CDV3: variants seen among roughly 807,000 people sequenced by gnomAD.
The protein encoded by CDV3 is protein CDV3 homolog.
CDV3 carries 14 observed loss-of-function variants against 24.5 expected under a neutral mutation model. The ratio of observed to expected loss-of-function variants is 0.57; its 90% CI spans 0.38 to 0.89. The LOEUF (loss-of-function observed/expected upper bound fraction) is 0.89. Among genes scored for constraint, CDV3 ranks in the 40% least tolerant of loss-of-function variants. The probability of loss-of-function intolerance (pLI) is 0.00; values close to 1 mark genes in which losing one functional copy is unlikely to be tolerated. For synonymous variants in CDV3, 114 were observed against 114.1 expected, an observed-to-expected ratio of 1.00 and a Z score of 0.00; for missense variants, 304 against 310.2, an observed-to-expected ratio of 0.98 and a Z score of 0.15.
intron 2 of CDV3, among the ~76,000 whole-genome samples, chr3:133,580,284 T>C (rs943779076): frequency 2.0e-5 from 3 of 152,242 alleles, no homozygotes; most frequent in African/African-American, 7.2e-5. Context: ...TCCATGTCCC[T>C]GCAAAGGACA....
chr3:133,574,029 C>T lies in CDV3; in HGVS notation c.-16C>T, dbSNP rs770999160. The T allele has an allele frequency of 8.4e-5, 95 of 1,126,606 alleles. No homozygotes were observed. The highest frequency in any genetic ancestry group is 9.5e-5 in the Non-Finnish European group (86 of 904,708). 69.8% of individuals were successfully genotyped at this position (1,126,606 alleles called of 1,614,324 possible). A position where few individuals can be genotyped will look rare whatever the true frequency, so the allele number is the denominator to read the frequency against. ...CGCCGCCGGCCCCACCCATCCGGGT[C>T]GAGGAGGCCGAGGCCATGGCTGAGA... On this transcript the variant is annotated 5_prime_UTR_variant, in exon 1 of 5. Coordinates refer to ENST00000264993, the MANE Select transcript of CDV3 (RefSeq NM_017548.5).
At chr3:133,587,462 A>G in intron 4 of CDV3, 1 of 1,144,160 alleles carries the variant, frequency 8.7e-7, no homozygotes, top group Non-Finnish European at 1.1e-6. Context: ...TACCTGATCT[A>G]ATCAGATCCA....
At position 133,590,114 on chromosome 3, in the gene CDV3, T is replaced by A. The variant is rs1324048989; in HGVS notation, c.*2068T>A. ...AACTTTTTAAAAGATTGTGAAAATATCAAAATATAAATGAATCAAGTTTTA... is the reference window on the plus strand; with the variant it reads ...AACTTTTTAAAAGATTGTGAAAATAACAAAATATAAATGAATCAAGTTTTA... On this transcript the variant is annotated 3_prime_UTR_variant, in exon 5 of 5. Transcript: ENST00000264993. 3 of 152,312 alleles carry A rather than the reference T, an allele frequency of 2.0e-5. No individual in the cohort carries two copies. Among genetic ancestry groups the A allele is most frequent in the Middle Eastern group, 3.4e-3 (1 of 294 alleles). The allele number at this position is 152,312 out of a possible 1,614,324, so 9.4% of individuals were successfully genotyped here.
At chr3:133,583,337 T>G (rs1167834727) in intron 2 of CDV3, among the ~76,000 whole-genome samples, 3 of 152,226 alleles carry the variant, frequency 2.0e-5, no homozygotes. Flanking sequence ...AACTCTTCAT[T>G]TGCTCACTAA....
At position 133,588,642 on chromosome 3, in the gene CDV3, C is replaced by T. The variant is rs1933845360; in HGVS notation, c.*596C>T. The T allele has an allele frequency of 7.4e-6, 4 of 537,446 alleles. No homozygotes were observed. Among genetic ancestry groups the T allele is most frequent in the East Asian group, 6.1e-5 (2 of 33,012 alleles). The allele number at this position is 537,446 out of a possible 1,614,324, so 33.3% of individuals were successfully genotyped here. On this transcript the variant is annotated 3_prime_UTR_variant, in exon 5 of 5. Coordinates refer to ENST00000264993, the MANE Select transcript of CDV3 (RefSeq NM_017548.5). Reference sequence around the variant, plus strand: ...TGTTGTTATATTAGACTTCCTGGAACACACTGCTGAAAAGAACTGATGTGT... The same window carrying T: ...TGTTGTTATATTAGACTTCCTGGAATACACTGCTGAAAAGAACTGATGTGT...
chr3:133,581,021 T>TA (rs551999289), intron 2 of CDV3, among the ~76,000 whole-genome samples: 1,764 of 148,850 alleles, frequency 0.012, 17 homozygotes, highest in Middle Eastern at 0.028. Context: ...CACTAGACAG[T>TA]AAAAAAAAAA....
chr3:133,585,217 A>G (rs1933465287), intron 3 of CDV3, among the ~76,000 whole-genome samples: 1 of 151,844 alleles, frequency 6.6e-6, no homozygotes, highest in Admixed American at 6.6e-5. Flanking sequence ...TGTTTATTTT[A>G]TTGTAGAGAT....
At chr3:133,574,545 G>T (rs1011797235) in intron 1 of CDV3, 72 of 985,940 alleles carry the variant, frequency 7.3e-5, no homozygotes, top group Non-Finnish European at 8.1e-5. Context: ...CCCTCCGGGG[G>T]CACTAGGTCT....
At chr3:133,579,091 A>C (rs2074923691) in intron 2 of CDV3, among the ~76,000 whole-genome samples, 1 of 151,784 alleles carries the variant, frequency 6.6e-6, no homozygotes, top group Non-Finnish European at 1.5e-5. Flanking sequence ...GAAGGTACTT[A>C]TGTTTCCTCA....
intron 3 of CDV3, among the ~76,000 whole-genome samples, chr3:133,586,008 G>T (rs1169717301): frequency 6.6e-6 from 1 of 152,220 alleles, no homozygotes; most frequent in East Asian, 1.9e-4. Flanking sequence ...AATTTGGCTT[G>T]TGGAACTCAT....
At chr3:133,584,381 A>G (rs1933372609) in intron 3 of CDV3, among the ~76,000 whole-genome samples, 1 of 152,196 alleles carries the variant, frequency 6.6e-6, no homozygotes. Flanking sequence ...TAAAATTTAT[A>G]TAGATATAGA....
chr3:133,580,268 G>C (rs1185113062), intron 2 of CDV3, among the ~76,000 whole-genome samples: 1 of 152,104 alleles, frequency 6.6e-6, no homozygotes, highest in Non-Finnish European at 1.5e-5. Flanking sequence ...ATGGTTTCCA[G>C]CTTTATCCAT....
At chr3:133,575,915 G>GA (rs1188463666) in intron 2 of CDV3, among the ~76,000 whole-genome samples, 1 of 152,154 alleles carries the variant, frequency 6.6e-6, no homozygotes, top group African/African-American at 2.4e-5. Flanking sequence ...GCTGTAAGAT[G>GA]AAAAAATCCT....
At chr3:133,576,368 C>T (rs1190800250) in intron 2 of CDV3, among the ~76,000 whole-genome samples, 1 of 151,802 alleles carries the variant, frequency 6.6e-6, no homozygotes, top group Non-Finnish European at 1.5e-5. Flanking sequence ...GGGGCTTGAC[C>T]TGTAAATAAT....
chr3:133,583,960 T>A (rs770355054), intron 2 of CDV3, 42 bp from the exon 3 acceptor site: 1 of 1,499,458 alleles, frequency 6.7e-7, no homozygotes, highest in Non-Finnish European at 9.1e-7. Flanking sequence ...CTGAAAATTT[T>A]CTTGGTGATT....
rs570627506 is a variant in CDV3, at chr3:133,573,977, C to A, written c.-68C>A. On this transcript the variant is annotated 5_prime_UTR_variant, in exon 1 of 5. Coordinates refer to ENST00000264993, the MANE Select transcript of CDV3 (RefSeq NM_017548.5). Reference sequence around the variant, plus strand: ...GTGAGCGCAGAGCCGGCCTCGACCCCGAGCTCGGAGCCCCGCGGGCCGCGC... The same window carrying A: ...GTGAGCGCAGAGCCGGCCTCGACCCAGAGCTCGGAGCCCCGCGGGCCGCGC... 608 of 1,006,978 alleles carry A rather than the reference C, an allele frequency of 6.0e-4. 2 individuals carry two copies. Among genetic ancestry groups the A allele is most frequent in the South Asian group, 5.3e-3 (118 of 22,266 alleles). 62.4% of individuals were successfully genotyped at this position (1,006,978 alleles called of 1,614,324 possible).
intron 2 of CDV3, among the ~76,000 whole-genome samples, chr3:133,580,910 A>ATTATGC: frequency 6.6e-6 from 1 of 152,226 alleles, no homozygotes; most frequent in South Asian, 2.1e-4. Flanking sequence ...AATTAAACAG[A>ATTATGC]TTATGCTTAT....
intron 2 of CDV3, among the ~76,000 whole-genome samples, chr3:133,577,128 G>A (rs1007373619): frequency 1.3e-5 from 2 of 151,894 alleles, no homozygotes; most frequent in South Asian, 2.1e-4. Flanking sequence ...TTACAGGTGT[G>A]AGCCACAGCA....
At chr3:133,579,472 A>T (rs1296471601) in intron 2 of CDV3, among the ~76,000 whole-genome samples, 2 of 152,234 alleles carry the variant, frequency 1.3e-5, no homozygotes, top group African/African-American at 2.4e-5. Flanking sequence ...ATATGTAAAG[A>T]TGAAAAAGTA....
Sources: allele counts gnomAD v4.1 joint callset (sites outside exome capture counted in the v4.1 genomes callset), GRCh38; gene constraint gnomAD v4.1.1; transcripts MANE v1.5; gene names NCBI Gene and HGNC (gene_info 2026-07-23, HGNC 2026-07-21).